The following PCDH9 variants were observed in gnomAD, a reference collection of about 807,000 sequenced individuals.
PCDH9 encodes the protein protocadherin-9.
PCDH9 carries 24 observed loss-of-function variants against 70.6 expected under a neutral mutation model. The observed-to-expected ratio is 0.34, with a 90% CI of 0.25 to 0.48. The LOEUF (loss-of-function observed/expected upper bound fraction) is 0.48. Among genes scored for constraint, PCDH9 ranks in the 20% least tolerant of loss-of-function variants. PCDH9 has a pLI of 0.99. For missense variants in PCDH9, 1,281 were observed against 1,503.6 expected (o/e 0.85, Z 2.45); for synonymous variants, 562 against 558.5 (o/e 1.01, Z -0.09).
intron 4 of PCDH9, among the ~76,000 whole-genome samples, chr13:66,628,646 A>G (rs1593803443): frequency 6.6e-6 from 1 of 152,316 alleles, no homozygotes; most frequent in East Asian, 1.9e-4. Flanking sequence ...GACTACAAGC[A>G]TGTGCTTCCA....
At chr13:67,004,357 G>A (rs1296915861) in intron 2 of PCDH9, among the ~76,000 whole-genome samples, 1 of 151,828 alleles carries the variant, frequency 6.6e-6, no homozygotes, top group African/African-American at 2.4e-5. Context: ...GATCACCTGA[G>A]GTCAGGAGTT....
chr13:67,181,916 C>T (rs982033691), intron 2 of PCDH9, among the ~76,000 whole-genome samples: 1 of 152,172 alleles, frequency 6.6e-6, no homozygotes, highest in African/African-American at 2.4e-5. Flanking sequence ...TTTTCAGGAA[C>T]ATTTTCTTCA....
intron 4 of PCDH9, among the ~76,000 whole-genome samples, chr13:66,451,551 T>C (rs888235728): frequency 6.6e-6 from 1 of 152,214 alleles, no homozygotes; most frequent in Non-Finnish European, 1.5e-5. Context: ...ATAAGTCCTT[T>C]CAGTAATTAT....
At chr13:66,644,801 A>G (rs2077751235) in intron 3 of PCDH9, among the ~76,000 whole-genome samples, 1 of 152,106 alleles carries the variant, frequency 6.6e-6, no homozygotes, top group Non-Finnish European at 1.5e-5. Flanking sequence ...TAAAGTTTCT[A>G]CATTAAATAG....
intron 4 of PCDH9, among the ~76,000 whole-genome samples, chr13:66,478,990 A>G (rs889083611): frequency 6.6e-6 from 1 of 152,210 alleles, no homozygotes; most frequent in African/African-American, 2.4e-5. Context: ...AGCATCAAAG[A>G]ACAGGTTAAC....
intron 4 of PCDH9, among the ~76,000 whole-genome samples, chr13:66,485,182 T>G (rs1337767357): frequency 6.6e-6 from 1 of 152,196 alleles, no homozygotes; most frequent in Non-Finnish European, 1.5e-5. Context: ...AAAACCACTT[T>G]TGTTTTCTGT....
intron 3 of PCDH9, among the ~76,000 whole-genome samples, chr13:66,646,081 C>T (rs2077767575): frequency 2.0e-5 from 3 of 152,206 alleles, no homozygotes; most frequent in African/African-American, 7.2e-5. Context: ...GTGTGGAACA[C>T]AAACTCTGTA....
chr13:66,746,999 T>C (rs914543344), intron 3 of PCDH9, among the ~76,000 whole-genome samples: 1 of 93,016 alleles, frequency 1.1e-5, no homozygotes, highest in African/African-American at 3.1e-5. Context: ...ATTTTAAACA[T>C]TTTATTCAAA....
chr13:67,049,243 C>T (rs539933658), intron 2 of PCDH9, among the ~76,000 whole-genome samples: 37 of 152,226 alleles, frequency 2.4e-4, no homozygotes, highest in African/African-American at 8.2e-4. Context: ...GGGCCCAGTA[C>T]ATTGCTTTAA....
chr13:66,474,580 C>T (rs1462673698), intron 4 of PCDH9, among the ~76,000 whole-genome samples: 1 of 151,962 alleles, frequency 6.6e-6, no homozygotes, highest in Non-Finnish European at 1.5e-5. Flanking sequence ...TGAAATATAT[C>T]ATAATACAAA....
chr13:66,841,635 T>G (rs939920075), intron 3 of PCDH9, among the ~76,000 whole-genome samples: 5 of 152,184 alleles, frequency 3.3e-5, no homozygotes, highest in African/African-American at 1.2e-4. Flanking sequence ...TTCCATCCAC[T>G]TTTGTTGGAG....
intron 2 of PCDH9, chr13:67,200,924 T>C (rs1162763518): frequency 6.6e-6 from 1 of 152,092 alleles, no homozygotes; most frequent in African/African-American, 2.4e-5. Context: ...ATTTTTTCAA[T>C]AAGATTAAGG....
intron 3 of PCDH9, among the ~76,000 whole-genome samples, chr13:66,687,971 T>G (rs894914094): frequency 2.0e-5 from 3 of 152,120 alleles, no homozygotes; most frequent in African/African-American, 7.2e-5. Flanking sequence ...CTTTTCTGCC[T>G]TGGAAACTTT....
chr13:66,825,235 A>C (rs2080798799), intron 3 of PCDH9: 1 of 150,998 alleles, frequency 6.6e-6, no homozygotes, highest in African/African-American at 2.4e-5. Flanking sequence ...TCTCTCGAAC[A>C]GGTATGTTTT....
At chr13:66,388,333 G>A (rs1411764091) in intron 4 of PCDH9, among the ~76,000 whole-genome samples, 5 of 152,082 alleles carry the variant, frequency 3.3e-5, no homozygotes, top group African/African-American at 4.8e-5. Context: ...TAATTTCAGT[G>A]AACTGATTTT....
At chr13:67,199,381 C>T (rs2089154464) in intron 2 of PCDH9, among the ~76,000 whole-genome samples, 1 of 151,716 alleles carries the variant, frequency 6.6e-6, no homozygotes, top group Non-Finnish European at 1.5e-5. Context: ...CTATTCTTCT[C>T]ACTTAAAAAT....
intron 4 of PCDH9, among the ~76,000 whole-genome samples, chr13:66,315,293 G>A (rs543525114): frequency 1.1e-4 from 17 of 152,268 alleles, no homozygotes; most frequent in Non-Finnish European, 5.9e-5. Context: ...CCCTAAGCAC[G>A]TCAAGCCCAC....
intron 4 of PCDH9, among the ~76,000 whole-genome samples, chr13:66,382,801 C>T (rs1162747293): frequency 6.6e-6 from 1 of 152,118 alleles, no homozygotes; most frequent in East Asian, 1.9e-4. Flanking sequence ...AAGGCCGAGG[C>T]AGGTGGATCA....
At chr13:66,520,913 G>A (rs890995874) in intron 4 of PCDH9, among the ~76,000 whole-genome samples, 1 of 152,174 alleles carries the variant, frequency 6.6e-6, no homozygotes, top group African/African-American at 2.4e-5. Context: ...AGAAGCTGGT[G>A]AGTTCTTGCA....
Sources: gnomAD v4.1 joint callset for allele counts (sites outside exome capture counted in the v4.1 genomes callset) on GRCh38, gnomAD v4.1.1 for gene constraint, MANE v1.5 for transcripts, NCBI Gene and HGNC (gene_info 2026-07-23, HGNC 2026-07-21) for gene names.